LDB2: variants seen among roughly 807,000 people sequenced by gnomAD.
LDB2 encodes LIM domain-binding protein 2.
Under a neutral mutation model 44.3 loss-of-function variants are expected in LDB2, and 12 were observed. The ratio of observed to expected loss-of-function variants is 0.27; its 90% confidence interval spans 0.17 to 0.44. The LOEUF is 0.44. Ranked by LOEUF, LDB2 falls within the 20% of genes least tolerant of loss-of-function variation. The pLI, the probability that LDB2 is intolerant of heterozygous loss-of-function variation, is 1.00. For synonymous variants in LDB2, 164 were observed against 174.8 expected, an observed-to-expected ratio of 0.94 and a Z score of 0.49; for missense variants, 344 against 473.5, an observed-to-expected ratio of 0.73 and a Z score of 2.54.
chr4:16,780,058 C>T (rs906098055), intron 1 of LDB2, among the ~76,000 whole-genome samples: 3 of 151,994 alleles, frequency 2.0e-5, no homozygotes, highest in Non-Finnish European at 4.4e-5. Flanking sequence ...GTCACACATG[C>T]TGGGAATAGA....
At chr4:16,809,294 C>A (rs1193825985) in intron 1 of LDB2, among the ~76,000 whole-genome samples, 1 of 152,112 alleles carries the variant, frequency 6.6e-6, no homozygotes, top group African/African-American at 2.4e-5. Context: ...TATATAAGCT[C>A]AATTATGGTA....
At chr4:16,649,218 A>G (rs1419134792) in intron 2 of LDB2, among the ~76,000 whole-genome samples, 2 of 152,220 alleles carry the variant, frequency 1.3e-5, no homozygotes, top group East Asian at 1.9e-4. Context: ...AAGCTGAAGT[A>G]AGAACTGCAG....
chr4:16,542,833 G>A (rs1734319606), intron 5 of LDB2, among the ~76,000 whole-genome samples: 1 of 151,718 alleles, frequency 6.6e-6, no homozygotes, highest in African/African-American at 2.4e-5. Flanking sequence ...GTGCAGGTTT[G>A]TTACATACGT....
intron 1 of LDB2, among the ~76,000 whole-genome samples, chr4:16,837,944 A>G (rs1192778778): frequency 2.0e-5 from 3 of 152,262 alleles, no homozygotes; most frequent in East Asian, 1.9e-4. Context: ...TTCTGTAAAA[A>G]GTATAAAACT....
intron 2 of LDB2, among the ~76,000 whole-genome samples, chr4:16,693,480 C>T (rs954778): frequency 5.9e-5 from 9 of 152,050 alleles, no homozygotes; most frequent in South Asian, 4.2e-4. Flanking sequence ...CTCAGCCTCC[C>T]GAGTAGCTGG....
intron 1 of LDB2, among the ~76,000 whole-genome samples, chr4:16,844,210 T>C (rs368318669): frequency 2.4e-5 from 3 of 124,016 alleles, no homozygotes; most frequent in East Asian, 4.8e-4. Context: ...GCCCAGCCAC[T>C]GCACTCTAGC....
chr4:16,552,907 T>C (rs1309678387), intron 5 of LDB2, among the ~76,000 whole-genome samples: 1 of 152,180 alleles, frequency 6.6e-6, no homozygotes, highest in Non-Finnish European at 1.5e-5. Flanking sequence ...GGACTCAGGA[T>C]GGGCTTGGGC....
rs571362783 is a variant in LDB2, at chr4:16,589,981, T to G, written c.409-1149A>C. 2.6e-5 allele frequency among the ~76,000 whole-genome samples: 4 copies of G among 152,300 alleles called. No individual in the cohort carries two copies. The East Asian group carries it at 7.7e-4, about 29-fold the overall frequency. ...AATTCATTAAATAAAGTTATGTACG[T>G]AGGCTACCTGGAATTGTGCCTGGCA... is the stretch of plus-strand genomic sequence containing the variant. On this transcript the variant is annotated intron_variant, in intron 3 of 7. Coordinates refer to ENST00000304523, the MANE Select transcript of LDB2 (RefSeq NM_001290.5).
chr4:16,720,241 C>T (rs1757967381), intron 2 of LDB2, among the ~76,000 whole-genome samples: 1 of 150,946 alleles, frequency 6.6e-6, no homozygotes, highest in Admixed American at 6.6e-5. Flanking sequence ...AAAGATTATC[C>T]TAGATAATGA....
intron 2 of LDB2, among the ~76,000 whole-genome samples, chr4:16,598,873 C>G (rs888678627): frequency 3.0e-4 from 26 of 86,216 alleles, no homozygotes; most frequent in South Asian, 1.1e-3. Context: ...CCTTTTCTTT[C>G]TTTCTTTTTT....
At chr4:16,625,440 T>C (rs964013832) in intron 2 of LDB2, among the ~76,000 whole-genome samples, 4 of 152,206 alleles carry the variant, frequency 2.6e-5, no homozygotes, top group Non-Finnish European at 5.9e-5. Context: ...TTGTTCTTCA[T>C]GAGACTGTAA....
At chr4:16,770,569 G>A (rs1770443854) in intron 1 of LDB2, among the ~76,000 whole-genome samples, 1 of 152,138 alleles carries the variant, frequency 6.6e-6, no homozygotes, top group African/African-American at 2.4e-5. Flanking sequence ...GAGGCCCCAA[G>A]CGGTTAAGAA....
intron 5 of LDB2, among the ~76,000 whole-genome samples, chr4:16,555,707 C>G (rs552171229): frequency 1.3e-5 from 2 of 152,306 alleles, no homozygotes; most frequent in African/African-American, 4.8e-5. Context: ...GGTGGAGGCT[C>G]TCCTCTCTGA....
At position 16,582,724 on chromosome 4, in the gene LDB2, G is replaced by T. The variant is rs1475351403; in HGVS notation, c.615+3198C>A. On this transcript the variant is annotated intron_variant, in intron 5 of 7. Transcript: ENST00000304523. The surrounding 1 kb of genome is among the most constrained non-coding windows in gnomAD (Gnocchi z 4.8). ...CAGCAAGCCACAGCCCCCTCTAGAG[G>T]TCACAGAGGCAGCCTGTAGAGGAAG... 6.6e-6 allele frequency among the ~76,000 whole-genome samples: 1 copy of T among 152,156 alleles called. No homozygotes were observed. Among genetic ancestry groups the T allele is most frequent in the Non-Finnish European group, 1.5e-5 (1 of 68,038 alleles).
At chr4:16,727,966 G>A (rs1452549447) in intron 2 of LDB2, among the ~76,000 whole-genome samples, 1 of 152,130 alleles carries the variant, frequency 6.6e-6, no homozygotes, top group African/African-American at 2.4e-5. Context: ...GGCTCCATGG[G>A]AGCAGCCATT....
chr4:16,522,059 A>G (rs1326885434), intron 5 of LDB2, among the ~76,000 whole-genome samples: 2 of 152,270 alleles, frequency 1.3e-5, no homozygotes, highest in Non-Finnish European at 1.5e-5. Flanking sequence ...CAAGATTGGT[A>G]TAACAATAGT....
chr4:16,587,176 A>G (rs1578015377), intron 4 of LDB2, among the ~76,000 whole-genome samples: 1 of 152,198 alleles, frequency 6.6e-6, no homozygotes, highest in Non-Finnish European at 1.5e-5. Flanking sequence ...ATAATAAAGA[A>G]ATGCAAAAAT....
intron 5 of LDB2, among the ~76,000 whole-genome samples, chr4:16,526,537 T>C (rs1029555313): frequency 6.6e-6 from 1 of 152,240 alleles, no homozygotes; most frequent in African/African-American, 2.4e-5. Context: ...GAATTCTCTC[T>C]CATCTATCTG....
At chr4:16,794,031 A>G (rs916885451) in intron 1 of LDB2, among the ~76,000 whole-genome samples, 1 of 152,194 alleles carries the variant, frequency 6.6e-6, no homozygotes, top group African/African-American at 2.4e-5. Flanking sequence ...AGTTAGTATT[A>G]CATATTCAAA....
Sources: gnomAD v4.1 joint callset for allele counts (sites outside exome capture counted in the v4.1 genomes callset) on GRCh38, gnomAD v4.1.1 for gene constraint, Gnocchi (gnomAD v3.1) non-coding constraint, MANE v1.5 for transcripts, NCBI Gene and HGNC (gene_info 2026-07-23, HGNC 2026-07-21) for gene names.